RBFOX2: variants seen among roughly 807,000 people sequenced by gnomAD.
RBFOX2 encodes the protein RNA binding fox-1 homolog 2, also known as RNA binding protein fox-1 homolog 2.
Under a neutral mutation model 49.1 loss-of-function variants are expected in RBFOX2, and 10 were observed. The ratio of observed to expected loss-of-function variants is 0.20; its 90% CI spans 0.13 to 0.35. The LOEUF is 0.35. Ranked by LOEUF, RBFOX2 falls within the 10% of genes least tolerant of loss-of-function variation. The pLI, the probability that RBFOX2 is intolerant of heterozygous loss-of-function variation, is 1.00. For synonymous variants in RBFOX2, 183 were observed against 187.4 expected (o/e 0.98, Z 0.19); for missense variants, 323 against 486.9 (o/e 0.66, Z 3.17).
intron 10 of RBFOX2, 45 bp downstream of exon 12, chr22:35,746,428 A>G (rs763361912): frequency 6.9e-7 from 1 of 1,440,208 alleles, no homozygotes; most frequent in Non-Finnish European, 9.5e-7. Context: ...TTGGGATGGA[A>G]CAGCTCTCAT....
At chr22:35,830,113 C>T (rs974763016) in intron 1 of RBFOX2, among the ~76,000 whole-genome samples, 16 of 152,138 alleles carry the variant, frequency 1.1e-4, no homozygotes, top group African/African-American at 3.9e-4. Flanking sequence ...TTTAACTCTC[C>T]CATTCAACAT....
At chr22:35,932,078 C>CT (rs2052488225) in intron 1 of RBFOX2, among the ~76,000 whole-genome samples, 1 of 152,066 alleles carries the variant, frequency 6.6e-6, no homozygotes. Flanking sequence ...TGGGGTCAGT[C>CT]TTTTTTTAAG....
chr22:35,883,511 G>A (rs563714618), intron 1 of RBFOX2, among the ~76,000 whole-genome samples: 10 of 152,228 alleles, frequency 6.6e-5, no homozygotes, highest in Admixed American at 3.9e-4. Context: ...CATTCTCCCC[G>A]GAGTGGCTCT....
intron 1 of RBFOX2, among the ~76,000 whole-genome samples, chr22:35,868,489 C>G (rs932345448): frequency 6.6e-6 from 1 of 152,094 alleles, no homozygotes; most frequent in Non-Finnish European, 1.5e-5. Flanking sequence ...GTGGCTGACA[C>G]CTGTAATCCT....
intron 2 of RBFOX2, among the ~76,000 whole-genome samples, chr22:35,790,036 A>G (rs776036882): frequency 1.3e-4 from 20 of 152,202 alleles, no homozygotes; most frequent in Non-Finnish European, 2.2e-4. Context: ...AAGTCTTCCA[A>G]TCTTCTAACT....
At chr22:36,017,529 C>CA (rs1224735233) in intron 1 of RBFOX2, among the ~76,000 whole-genome samples, 2 of 150,604 alleles carry the variant, frequency 1.3e-5, no homozygotes, top group Non-Finnish European at 3.0e-5. Context: ...AACTCGGTCT[C>CA]AAAAAAAATA....
At chr22:35,822,028 T>C in intron 1 of RBFOX2, 1 of 505,962 alleles carries the variant, frequency 2.0e-6, no homozygotes, top group South Asian at 1.4e-5. Flanking sequence ...GCAAGGCCTA[T>C]TACAAAGAGA....
intron 1 of RBFOX2, among the ~76,000 whole-genome samples, chr22:35,903,192 T>G (rs902351049): frequency 1.3e-5 from 2 of 152,302 alleles, no homozygotes; most frequent in African/African-American, 4.8e-5. Flanking sequence ...ACTTCTCATT[T>G]TCTTCAATCT....
At chr22:35,786,394 C>T (rs1252572069) in intron 2 of RBFOX2, among the ~76,000 whole-genome samples, 1 of 152,176 alleles carries the variant, frequency 6.6e-6, no homozygotes, top group African/African-American at 2.4e-5. Context: ...GACTTCTGAT[C>T]TAATGCAATT....
chr22:35,987,829 G>C (rs994118291), intron 1 of RBFOX2, among the ~76,000 whole-genome samples: 15 of 152,118 alleles, frequency 9.9e-5, no homozygotes, highest in African/African-American at 3.1e-4. Flanking sequence ...CTTACTGACT[G>C]GTGCATCTAA....
At chr22:35,848,354 A>C (rs1467701026) in intron 1 of RBFOX2, among the ~76,000 whole-genome samples, 2 of 152,228 alleles carry the variant, frequency 1.3e-5, no homozygotes. Context: ...TAAATATAAA[A>C]TACTCTTAAT....
At chr22:36,003,049 A>G (rs2058491330) in intron 1 of RBFOX2, among the ~76,000 whole-genome samples, 1 of 152,216 alleles carries the variant, frequency 6.6e-6, no homozygotes, top group African/African-American at 2.4e-5. Context: ...TATCCCCTAT[A>G]CAATGAAGAT....
chr22:35,794,169 G>A (rs1948322943), intron 2 of RBFOX2, among the ~76,000 whole-genome samples: 1 of 151,948 alleles, frequency 6.6e-6, no homozygotes, highest in Non-Finnish European at 1.5e-5. Flanking sequence ...AAGTTGAAGA[G>A]TAAGTAGAAG....
At chr22:35,969,704 A>T (rs991458158) in intron 1 of RBFOX2, among the ~76,000 whole-genome samples, 1 of 152,220 alleles carries the variant, frequency 6.6e-6, no homozygotes, top group Non-Finnish European at 1.5e-5. Flanking sequence ...TTAAAATGGG[A>T]CAAGGATGAC....
At chr22:35,781,533 A>AT in intron 3 of RBFOX2, 67 bp downstream of exon 4, 1 of 1,541,048 alleles carries the variant, frequency 6.5e-7, no homozygotes, top group Non-Finnish European at 8.8e-7. Context: ...ATAATGACTA[A>AT]TAACACATCT....
intron 1 of RBFOX2, among the ~76,000 whole-genome samples, chr22:35,827,787 A>T (rs1956055340): frequency 6.7e-6 from 1 of 150,048 alleles, no homozygotes; most frequent in Non-Finnish European, 1.5e-5. Flanking sequence ...CTCATAAATT[A>T]AAAATATATT....
intron 1 of RBFOX2, among the ~76,000 whole-genome samples, chr22:36,008,643 C>T (rs553946004): frequency 6.6e-6 from 1 of 151,912 alleles, no homozygotes; most frequent in East Asian, 1.9e-4. Context: ...ACAGTGAAAC[C>T]CCACCTCTAC....
At chr22:35,761,336 A>G in intron 7 of RBFOX2, 42 bp from the exon 9 acceptor site, 3 of 1,613,314 alleles carry the variant, frequency 1.9e-6, no homozygotes, top group Non-Finnish European at 2.5e-6. Flanking sequence ...AAGAAGATTA[A>G]AAAGGAGTCA....
intron 1 of RBFOX2, among the ~76,000 whole-genome samples, chr22:36,010,732 TACAC>T (rs34495987): frequency 0.3 from 41,122 of 136,680 alleles, 5,996 homozygotes; most frequent in African/African-American, 0.38. Flanking sequence ...TACTGTTCAG[TACAC>T]ACACACACAC....
Sources: allele counts gnomAD v4.1 joint callset (sites outside exome capture counted in the v4.1 genomes callset), GRCh38; gene constraint gnomAD v4.1.1; transcripts MANE v1.5; gene names NCBI Gene and HGNC (gene_info 2026-07-23, HGNC 2026-07-21).